Variants in OR6K3 observed in about 807,000 individuals in gnomAD.
The protein encoded by OR6K3 is olfactory receptor family 6 subfamily K member 3.
For missense variants in OR6K3, 396 were observed against 382.5 expected (o/e 1.04, Z -0.29); for synonymous variants, 169 against 137.7 (o/e 1.23, Z -1.59).
intron 1 of OR6K3, among the ~76,000 whole-genome samples, 153 bp downstream of exon 1, chr1:158,720,530 G>T (rs1332513847): frequency 6.6e-6 from 1 of 151,946 alleles, no homozygotes; most frequent in African/African-American, 2.4e-5. Context: ...ACTGAACAGA[G>T]CTTCCTCCTG....
Position 158,717,169 on chromosome 1 carries a change from T to A in OR6K3, c.947A>T (p.Ter316LeuextTer17). The change falls in exon 2 of 2, where the codon TAA becomes TTA. Residue 316 changes from the stop codon to leucine, a stop_lost. Transcript: ENST00000368145. ...LQKVLNKPGG[*>L] ...CGGAAGGGAACCTGTGGCTCTGTAT[T>A]AACCTCCAGGCTTGTTCAACACTTT... 6.3e-7 allele frequency: 1 copy of A among 1,599,808 alleles called. No individual in the cohort carries two copies. The highest frequency in any genetic ancestry group is 8.5e-7 in the Non-Finnish European group (1 of 1,170,738).
rs1656146244 is a variant in OR6K3, at chr1:158,716,444, C to T, written c.*724G>A. 6.6e-6 allele frequency: 1 copy of T among 152,026 alleles called. No individual in the cohort carries two copies. Among genetic ancestry groups the T allele is most frequent in the Non-Finnish European group, 1.5e-5 (1 of 67,966 alleles). The allele number at this position is 152,026 out of a possible 1,614,324, so 9.4% of individuals were successfully genotyped here. On this transcript the variant is annotated 3_prime_UTR_variant, in exon 2 of 2. Coordinates refer to ENST00000368145, the MANE Select transcript of OR6K3 (RefSeq NM_001005327.3). Reference sequence around the variant, plus strand: ...GTTGTTTGGGCTTTTTCTTAGATCTCTATTTCTGGAAAACCCCAATGAGGT... The same window carrying T: ...GTTGTTTGGGCTTTTTCTTAGATCTTTATTTCTGGAAAACCCCAATGAGGT...
intron 1 of OR6K3, among the ~76,000 whole-genome samples, 184 bp from the exon 2 acceptor site, chr1:158,718,316 T>G (rs1197464642): frequency 6.7e-6 from 1 of 150,010 alleles, no homozygotes; most frequent in Non-Finnish European, 1.5e-5. Context: ...CATTTTTTTT[T>G]GTATCAAACA....
chr1:158,717,981 G>A lies in OR6K3; in HGVS notation c.135C>T (p.Ile45=). 1 of 1,612,756 alleles carries A rather than the reference G, an allele frequency of 6.2e-7. No homozygotes were observed. Among genetic ancestry groups the A allele is most frequent in the Non-Finnish European group, 8.5e-7 (1 of 1,178,990 alleles). ...YTFIIIDNLL[I]FSAVRLDTHL... ...GGGTGTCCAGCCTTACAGCAGAGAA[G>A]ATTAATAAGTTATCAATGATAATAA... is the stretch of plus-strand genomic sequence containing the variant. Residue 45 remains isoleucine, a synonymous_variant, in exon 2 of 2, where the codon ATC becomes ATT. Coordinates refer to ENST00000368145, the MANE Select transcript of OR6K3 (RefSeq NM_001005327.3).
Position 158,717,300 on chromosome 1 carries a change from G to T in OR6K3, c.816C>A (p.Ala272=), listed in dbSNP as rs902408413. 44 of 1,613,538 alleles carry T rather than the reference G, an allele frequency of 2.7e-5. No homozygotes were observed. Among genetic ancestry groups the T allele is most frequent in the Non-Finnish European group, 3.6e-5 (42 of 1,179,702 alleles). The change falls in exon 2 of 2, where the codon GCC becomes GCA. Residue 272 remains alanine (A), a synonymous_variant. Transcript: ENST00000368145. ...SDTYPPVLDT[A]IALMFTVLAP... is the part of the protein sequence containing the mutation. ...CAAGTACAGTAAACATCAGTGCAAT[G>T]GCTGTGTCCAAAACTGGTGGATAAG... is the stretch of plus-strand genomic sequence containing the variant.
At chr1:158,718,800 A>T (rs1168511232) in intron 1 of OR6K3, among the ~76,000 whole-genome samples, 6 of 152,032 alleles carry the variant, frequency 3.9e-5, no homozygotes, top group African/African-American at 1.4e-4. Flanking sequence ...AATACCTCAG[A>T]GTATCAGGTA....
chr1:158,723,076 ATG>A (rs1264557754), upstream of OR6K3, among the ~76,000 whole-genome samples: 1 of 151,992 alleles, frequency 6.6e-6, no homozygotes, highest in Non-Finnish European at 1.5e-5. Flanking sequence ...AAATTTAAAT[ATG>A]TGTGTTTAAA....
At chr1:158,720,454 G>A (rs763959000) in intron 1 of OR6K3, among the ~76,000 whole-genome samples, 1 of 151,958 alleles carries the variant, frequency 6.6e-6, no homozygotes, top group African/African-American at 2.4e-5. Flanking sequence ...TTGACTAGAT[G>A]ATCTCTCAGA....
upstream of OR6K3, among the ~76,000 whole-genome samples, chr1:158,721,872 A>C (rs888852763): frequency 6.6e-6 from 1 of 151,940 alleles, no homozygotes; most frequent in African/African-American, 2.4e-5. Context: ...TTCCTGTAGT[A>C]TTTAATATAT....
chr1:158,717,351 T>C lies in OR6K3; in HGVS notation c.765A>G (p.Ser255=). ...MVFPIFFGSV[S]LMYLRFSDTY... ...TGTCGCTGAAACGCAAGTACATGAG[T>C]GATACACTGCCAAAGAATATCGGGA... Residue 255 remains serine, a synonymous_variant, in exon 2 of 2, where the codon TCA becomes TCG. Transcript: ENST00000368145. The C allele has an allele frequency of 6.2e-7, 1 of 1,613,668 alleles. No homozygotes were observed. Among genetic ancestry groups the C allele is most frequent in the South Asian group, 1.1e-5 (1 of 91,070 alleles).
chr1:158,721,947 C>A (rs544188408), upstream of OR6K3, among the ~76,000 whole-genome samples: 4 of 151,758 alleles, frequency 2.6e-5, no homozygotes, highest in South Asian at 4.2e-4. Context: ...TTTCTGATAT[C>A]TTCACAAATC....
upstream of OR6K3, among the ~76,000 whole-genome samples, chr1:158,721,357 T>C (rs753145014): frequency 8.5e-5 from 13 of 152,058 alleles, no homozygotes; most frequent in Non-Finnish European, 1.5e-4. Context: ...GTATTATTTA[T>C]ATCTGTGCTT....
At chr1:158,718,278 T>C in intron 1 of OR6K3, 146 bp from the exon 2 acceptor site, 1 of 513,572 alleles carries the variant, frequency 1.9e-6, no homozygotes, top group South Asian at 3.8e-5. Flanking sequence ...GTACATATTG[T>C]CCAATGTTTG....
upstream of OR6K3, among the ~76,000 whole-genome samples, chr1:158,723,958 A>G (rs903581257): frequency 1.3e-5 from 2 of 152,068 alleles, no homozygotes; most frequent in African/African-American, 4.8e-5. Context: ...ATGCTATCTT[A>G]ATTTGGCATG....
At chr1:158,718,250 T>C (rs1216633100) in intron 1 of OR6K3, 118 bp from the exon 2 acceptor site, 3 of 633,360 alleles carry the variant, frequency 4.7e-6, no homozygotes, top group Non-Finnish European at 8.2e-6. Flanking sequence ...TCATTTTTTT[T>C]CCTGACTTTA....
chr1:158,724,033 C>A (rs963971706), upstream of OR6K3: 1 of 152,120 alleles, frequency 6.6e-6, no homozygotes, highest in African/African-American at 2.4e-5. Context: ...ATCCATGTGA[C>A]AATGAATGAA....
chr1:158,719,550 C>G (rs912709455), intron 1 of OR6K3, among the ~76,000 whole-genome samples: 2 of 151,922 alleles, frequency 1.3e-5, no homozygotes, highest in Non-Finnish European at 2.9e-5. Flanking sequence ...GTGCTACTTC[C>G]TCTGACTTTA....
chr1:158,722,849 G>A (rs190418137), upstream of OR6K3, among the ~76,000 whole-genome samples: 5 of 151,948 alleles, frequency 3.3e-5, no homozygotes, highest in Admixed American at 3.3e-4. Flanking sequence ...GAATCAACTG[G>A]TGCTTTTGAT....
At chr1:158,722,988 A>G (rs1656314271), upstream of OR6K3, among the ~76,000 whole-genome samples, 1 of 152,012 alleles carries the variant, frequency 6.6e-6, no homozygotes, top group African/African-American at 2.4e-5. Context: ...CTATATCTTT[A>G]CACTTTTCAG....
Sources: allele counts gnomAD v4.1 joint callset (sites outside exome capture counted in the v4.1 genomes callset), GRCh38; gene constraint gnomAD v4.1.1; transcripts MANE v1.5; gene names NCBI Gene and HGNC (gene_info 2026-07-23, HGNC 2026-07-21).